Variants in CYFIP1 observed in about 807,000 individuals in gnomAD.
The protein encoded by CYFIP1 is cytoplasmic FMR1 interacting protein 1, also known as cytoplasmic FMR1-interacting protein 1.
A neutral mutation model predicts 163.5 loss-of-function variants in CYFIP1; 58 were observed. The ratio of observed to expected loss-of-function variants is 0.35; its 90% CI spans 0.29 to 0.44. The LOEUF is 0.44. Ranked by LOEUF, CYFIP1 falls within the 20% of genes least tolerant of loss-of-function variation. The pLI, the probability that CYFIP1 is intolerant of heterozygous loss-of-function variation, is 1.00. For synonymous variants in CYFIP1, 663 were observed against 660.7 expected, an observed-to-expected ratio of 1.00 and a Z score of -0.05; for missense variants, 1,338 against 1,653.8, an observed-to-expected ratio of 0.81 and a Z score of 3.31.
In CYFIP1 at chr15:22,937,889, C is replaced by T. The variant is rs554714230; in HGVS notation, c.796-681G>A. Among the ~76,000 whole-genome samples the T allele has an allele frequency of 1.4e-4, 21 of 152,314 alleles. 1 individual carries two copies. The highest frequency in any genetic ancestry group is 5.1e-4 in the African/African-American group (21 of 41,582). ...AAAGTGCTGGGATTACAGGCATGAG[C>T]CACCGTGCCCAGTCACAAACTAAAA... is the stretch of plus-strand genomic sequence containing the variant. On this transcript the variant is annotated intron_variant, in intron 8 of 30. Transcript: ENST00000617928.
intron 24 of CYFIP1, among the ~76,000 whole-genome samples, chr15:22,882,533 G>A (rs1405027458): frequency 1.3e-5 from 2 of 152,168 alleles, no homozygotes; most frequent in Non-Finnish European, 2.9e-5. Flanking sequence ...GGCTGGCCAA[G>A]GTGGCTCACG....
At chr15:22,939,866 A>T (rs1375127699) in intron 6 of CYFIP1, among the ~76,000 whole-genome samples, 1 of 152,134 alleles carries the variant, frequency 6.6e-6, no homozygotes, top group Non-Finnish European at 1.5e-5. Context: ...GAGTCTGAGA[A>T]GGGCCACTGC....
At chr15:22,952,373 G>A (rs1214146459) in intron 1 of CYFIP1, among the ~76,000 whole-genome samples, 5 of 151,978 alleles carry the variant, frequency 3.3e-5, no homozygotes, top group Non-Finnish European at 7.4e-5. Context: ...GGTGAAGATG[G>A]GGGAGGACGC....
chr15:22,930,109 A>G (rs1439806082), intron 11 of CYFIP1, among the ~76,000 whole-genome samples: 1 of 151,934 alleles, frequency 6.6e-6, no homozygotes, highest in Non-Finnish European at 1.5e-5. Context: ...CTGTAATCCC[A>G]GCACTTTGGG....
At chr15:22,946,930 C>G in intron 3 of CYFIP1, 73 bp downstream of exon 3, 1 of 1,317,656 alleles carries the variant, frequency 7.6e-7, no homozygotes, top group Non-Finnish European at 1.1e-6. Flanking sequence ...TGGGATAATA[C>G]CAAAAAGTAT....
intron 23 of CYFIP1, among the ~76,000 whole-genome samples, chr15:22,891,627 A>C (rs1049118061): frequency 1.3e-5 from 2 of 152,140 alleles, no homozygotes; most frequent in Non-Finnish European, 2.9e-5. Context: ...CGCTCTTTTC[A>C]GGGGCGGGAG....
chr15:22,921,731 A>C (rs2061185718), intron 13 of CYFIP1, among the ~76,000 whole-genome samples: 2 of 143,218 alleles, frequency 1.4e-5, no homozygotes, highest in South Asian at 4.4e-4. Flanking sequence ...GTGCCACTGC[A>C]CTCTAGCCTG....
chr15:22,883,582 C>T (rs993021808), intron 23 of CYFIP1, among the ~76,000 whole-genome samples: 1 of 152,082 alleles, frequency 6.6e-6, no homozygotes, highest in Non-Finnish European at 1.5e-5. Context: ...CTTTGGGAGG[C>T]CGAGGTGGGC....
chr15:22,880,249 C>T (rs1031964105), intron 25 of CYFIP1, among the ~76,000 whole-genome samples: 1 of 152,234 alleles, frequency 6.6e-6, no homozygotes, highest in Non-Finnish European at 1.5e-5. Context: ...CATGTGACCC[C>T]GGGCCTTGGC....
chr15:22,972,489 C>T (rs544911598), intron 1 of CYFIP1, among the ~76,000 whole-genome samples: 1 of 152,092 alleles, frequency 6.6e-6, no homozygotes, highest in Non-Finnish European at 1.5e-5. Flanking sequence ...CCAAACAGCA[C>T]ACTATTGTCA....
chr15:22,871,748 G>A (rs1485396482), intron 30 of CYFIP1, among the ~76,000 whole-genome samples: 3 of 152,134 alleles, frequency 2.0e-5, no homozygotes, highest in Admixed American at 1.3e-4. Context: ...TTGCTGGAGG[G>A]GGCCACTTGG....
intron 24 of CYFIP1, among the ~76,000 whole-genome samples, chr15:22,882,376 C>T (rs1341478039): frequency 1.3e-5 from 2 of 152,218 alleles, no homozygotes; most frequent in Non-Finnish European, 2.9e-5. Flanking sequence ...GAGTCCCCAG[C>T]GGGTCCTGGA....
intron 16 of CYFIP1, 87 bp downstream of exon 16, chr15:22,916,390 G>A: frequency 2.0e-6 from 2 of 989,974 alleles, no homozygotes; most frequent in Non-Finnish European, 3.1e-6. Context: ...ACGGGGTAGG[G>A]GGTGGTCAGG....
At chr15:22,957,818 G>A (rs756391863) in intron 1 of CYFIP1, among the ~76,000 whole-genome samples, 3 of 152,162 alleles carry the variant, frequency 2.0e-5, no homozygotes, top group Non-Finnish European at 2.9e-5. Flanking sequence ...ATATTTTTGT[G>A]CAAGCTGTTC....
chr15:22,911,578 T>G (rs2060790020), intron 18 of CYFIP1, among the ~76,000 whole-genome samples: 1 of 152,166 alleles, frequency 6.6e-6, no homozygotes, highest in African/African-American at 2.4e-5. Context: ...GTGAGGAGAA[T>G]ACCTGTGCTT....
chr15:22,944,830 G>A (rs982236972), intron 4 of CYFIP1, 32 bp downstream of exon 4: 2 of 1,606,064 alleles, frequency 1.2e-6, no homozygotes, highest in Non-Finnish European at 1.7e-6. Flanking sequence ...GCAGGGTGTG[G>A]CTGGAGGGGA....
chr15:22,922,763 G>A (rs537329152), intron 13 of CYFIP1, among the ~76,000 whole-genome samples: 28 of 152,288 alleles, frequency 1.8e-4, no homozygotes, highest in Non-Finnish European at 3.4e-4. Flanking sequence ...AGGCAAAGGC[G>A]GGTAGATCAC....
chr15:22,939,557 TAAAAAAAAAAA>T (rs56068008), intron 6 of CYFIP1, 50 bp from the exon 7 acceptor site: 2 of 286,622 alleles, frequency 7.0e-6, no homozygotes, highest in Non-Finnish European at 1.1e-5. Context: ...GTGCCACATT[TAAAAAAAAAAA>T]AAAAAAAAAA....
chr15:22,961,860 C>G (rs773114378), intron 1 of CYFIP1, among the ~76,000 whole-genome samples: 4 of 152,160 alleles, frequency 2.6e-5, no homozygotes, highest in Non-Finnish European at 5.9e-5. Flanking sequence ...AAGCTACTTT[C>G]TTTTTCATTT....
Sources: allele counts gnomAD v4.1 joint callset (sites outside exome capture counted in the v4.1 genomes callset), GRCh38; gene constraint gnomAD v4.1.1; transcripts MANE v1.5; gene names NCBI Gene and HGNC (gene_info 2026-07-23, HGNC 2026-07-21).